ALG12: variants seen among roughly 807,000 people sequenced by gnomAD.
ALG12 encodes the protein ALG12 alpha-1,6-mannosyltransferase, also known as dol-P-Man:Man(7)GlcNAc(2)-PP-Dol alpha-1,6-mannosyltransferase.
ALG12 carries 36 observed loss-of-function variants against 46.0 expected under a neutral mutation model. The ratio of observed to expected loss-of-function variants is 0.78; its 90% CI spans 0.60 to 1.03. The LOEUF (loss-of-function observed/expected upper bound fraction) is 1.03, where lower values mean the gene tolerates loss of function less well. Ranked by LOEUF, ALG12 falls within the 50% of genes least tolerant of loss-of-function variation. The pLI, the probability that ALG12 is intolerant of heterozygous loss-of-function variation, is 0.00. For synonymous variants in ALG12, 326 were observed against 291.6 expected (o/e 1.12, Z -1.20); for missense variants, 599 against 633.5 (o/e 0.95, Z 0.58).
chr22:49,904,274 C>T lies in ALG12; in HGVS notation c.1163-20G>A, dbSNP rs371655793. ...GGACGTCTAGGAAAACCAGGCCTGCCGTCAGAGCCCAGCCCTGCAGTCGGA... is the reference window on the plus strand; with the variant it reads ...GGACGTCTAGGAAAACCAGGCCTGCTGTCAGAGCCCAGCCCTGCAGTCGGA... On this transcript the variant is annotated intron_variant, in intron 8 of 9. Transcript: ENST00000330817. 5 of 1,613,940 alleles carry T rather than the reference C, an allele frequency of 3.1e-6. No homozygotes were observed. The highest frequency in any genetic ancestry group is 3.3e-5 in the Admixed American group (2 of 59,990).
chr22:49,885,281 A>G, the ALG12 span: 1 of 1,596,436 alleles, frequency 6.3e-7, no homozygotes, highest in Non-Finnish European at 8.6e-7. Context: ...AAATTGACTG[A>G]CTTGCCAACA....
At position 49,902,613 on chromosome 22, in the gene ALG12, T is replaced by G. The variant is rs1246995240; in HGVS notation, c.*1225A>C. 1 of 145,260 alleles carries G rather than the reference T, an allele frequency of 6.9e-6. No individual in the cohort carries two copies. The highest frequency in any genetic ancestry group is 1.5e-5 in the Non-Finnish European group (1 of 67,512). 9.0% of individuals were successfully genotyped at this position (145,260 alleles called of 1,614,324 possible). ...TGTGTATGCATGGTGTGTGCACGTGTGCACTGTGTATGCATGGTAATGTGC... is the reference window on the plus strand; with the variant it reads ...TGTGTATGCATGGTGTGTGCACGTGGGCACTGTGTATGCATGGTAATGTGC... On this transcript the variant is annotated 3_prime_UTR_variant, in exon 10 of 10. Coordinates refer to ENST00000330817, the MANE Select transcript of ALG12 (RefSeq NM_024105.4).
the ALG12 span, chr22:49,885,079 C>T: frequency 1.9e-6 from 3 of 1,613,182 alleles, no homozygotes; most frequent in South Asian, 1.1e-5. Flanking sequence ...CATGGACAGC[C>T]TCAAGGCCGA....
At chr22:49,861,509 C>T in the ALG12 span, among the ~76,000 whole-genome samples, 1 of 151,902 alleles carries the variant, frequency 6.6e-6, no homozygotes, top group Non-Finnish European at 1.5e-5. Context: ...TCTTGGCTTA[C>T]CGCAGCCTCG....
At position 49,913,692 on chromosome 22, in the gene ALG12, A is replaced by G; in HGVS notation, c.74T>C (p.Leu25Pro). Residue 25 changes from leucine (L) to proline (P), a missense_variant, in exon 2 of 10, where the codon CTG becomes CCG. Coordinates refer to ENST00000330817, the MANE Select transcript of ALG12 (RefSeq NM_024105.4). The stretch of plus-strand genomic sequence containing the variant: ...CACTTTGGTGTAGGGACAGATGACC[A>G]GGTGGACAGTGGCTACGGCCACCAG... ...GLLVAVATVHLVICPYTKVEE... is the reference protein window; with the variant it reads ...GLLVAVATVHPVICPYTKVEE... 6.2e-7 allele frequency: 1 copy of G among 1,614,058 alleles called. No individual in the cohort carries two copies. The highest frequency in any genetic ancestry group is 8.5e-7 in the Non-Finnish European group (1 of 1,180,030).
chr22:49,910,626 A>G lies in ALG12; in HGVS notation c.296-19T>C. 6.2e-7 allele frequency: 1 copy of G among 1,613,974 alleles called. No homozygotes were observed. Among genetic ancestry groups the G allele is most frequent in the African/African-American group, 1.3e-5 (1 of 75,064 alleles). ...CCTCTAACTAAACAAAGACAGTGAC[A>G]GCACCTGAGCCTGCAGTGGAGGAGT... is the stretch of plus-strand genomic sequence containing the variant. On this transcript the variant is annotated intron_variant, in intron 3 of 9. Transcript: ENST00000330817.
At chr22:49,891,603 T>G in the ALG12 span, among the ~76,000 whole-genome samples, 2 of 152,204 alleles carry the variant, frequency 1.3e-5, no homozygotes, top group Non-Finnish European at 1.5e-5. Flanking sequence ...GCATCATGAT[T>G]TTCACCATTC....
chr22:49,886,233 C>A, the ALG12 span: 1 of 934,804 alleles, frequency 1.1e-6, no homozygotes. This position sits in a 1 kb window ranked among gnomAD's most constrained non-coding sequence, Gnocchi z 7.7. Flanking sequence ...GGAAGATCTG[C>A]GAGCGGGTGC....
At chr22:49,884,320 G>T in the ALG12 span, 7 of 1,613,756 alleles carry the variant, frequency 4.3e-6, no homozygotes, top group Non-Finnish European at 5.9e-6. Context: ...CCCGTCCCCC[G>T]ATCGAATAAC....
the ALG12 span, among the ~76,000 whole-genome samples, chr22:49,878,951 T>G: frequency 6.6e-6 from 1 of 151,756 alleles, no homozygotes; most frequent in African/African-American, 2.4e-5. Context: ...GAGACCATCG[T>G]GGCCAACATG....
At chr22:49,885,994 G>A in the ALG12 span, 80 of 693,604 alleles carry the variant, frequency 1.2e-4, no homozygotes, top group Non-Finnish European at 4.5e-5. Flanking sequence ...GGTGGACTGC[G>A]ACTACAGTGG....
At chr22:49,910,373 C>G in intron 4 of ALG12, 61 bp downstream of exon 4, 3 of 1,579,482 alleles carry the variant, frequency 1.9e-6, no homozygotes, top group South Asian at 1.1e-5. Context: ...CTGCACAGCC[C>G]GACTCAGGGG....
the ALG12 span, among the ~76,000 whole-genome samples, chr22:49,878,837 A>G: frequency 1.3e-5 from 2 of 152,078 alleles, no homozygotes; most frequent in African/African-American, 4.8e-5. Flanking sequence ...GTCTCTACTA[A>G]AAATAAAAAA....
chr22:49,912,149 G>A (rs2060582047), intron 3 of ALG12, among the ~76,000 whole-genome samples: 1 of 152,070 alleles, frequency 6.6e-6, no homozygotes, highest in South Asian at 2.1e-4. Flanking sequence ...TCGGCCCCGG[G>A]ATCACCCTCG....
Position 49,905,715 on chromosome 22 carries a change from C to T in ALG12, c.993-1209G>A, listed in dbSNP as rs184043682. Among the ~76,000 whole-genome samples, 11 of 152,354 alleles carry T rather than the reference C, an allele frequency of 7.2e-5. No individual in the cohort carries two copies. The highest frequency in any genetic ancestry group is 2.6e-4 in the Admixed American group (4 of 15,302). The stretch of plus-strand genomic sequence containing the variant: ...GCTTCCCGTACAGCCTGCGGAACCG[C>T]GAGCCAATGAAGCCTCCTCTTTATA... On this transcript the variant is annotated intron_variant, in intron 7 of 9. Coordinates refer to ENST00000330817, the MANE Select transcript of ALG12 (RefSeq NM_024105.4). The surrounding 1 kb of genome is among the most constrained non-coding windows in gnomAD (Gnocchi z 4.9).
At chr22:49,863,748 G>A in the ALG12 span, among the ~76,000 whole-genome samples, 2 of 152,168 alleles carry the variant, frequency 1.3e-5, no homozygotes, top group Admixed American at 6.5e-5. Context: ...GGAGAAAACT[G>A]AAGATAAATG....
Position 49,903,750 on chromosome 22 carries a change from G to T in ALG12, c.*88C>A. ...GTCCTTTGACTTGCTTCTCTGAATT[G>T]TCATAATTGTGCTGGAATTGTGCCA... On this transcript the variant is annotated 3_prime_UTR_variant, in exon 10 of 10. Transcript: ENST00000330817. The T allele has an allele frequency of 6.8e-7, 1 of 1,463,280 alleles. No individual in the cohort carries two copies. The highest frequency in any genetic ancestry group is 9.5e-7 in the Non-Finnish European group (1 of 1,049,104). The allele number at this position is 1,463,280 out of a possible 1,614,324, so 90.6% of individuals were successfully genotyped here.
chr22:49,878,255 A>G, the ALG12 span, among the ~76,000 whole-genome samples: 11 of 148,098 alleles, frequency 7.4e-5, no homozygotes, highest in African/African-American at 1.5e-4. Context: ...CAGTGAGCCA[A>G]CGCACCACTG....
At chr22:49,866,407 T>G in the ALG12 span, among the ~76,000 whole-genome samples, 1 of 152,154 alleles carries the variant, frequency 6.6e-6, no homozygotes, top group African/African-American at 2.4e-5. Flanking sequence ...TAAAAAAAAT[T>G]GTGTTTCCCT....
Sources: gnomAD v4.1 joint callset for allele counts (sites outside exome capture counted in the v4.1 genomes callset) on GRCh38, gnomAD v4.1.1 for gene constraint, Gnocchi (gnomAD v3.1) non-coding constraint, MANE v1.5 for transcripts, NCBI Gene and HGNC (gene_info 2026-07-23, HGNC 2026-07-21) for gene names.